The following CACNA2D3 variants were observed in gnomAD, a reference collection of about 807,000 sequenced individuals.
The protein encoded by CACNA2D3 is voltage-dependent calcium channel subunit alpha-2/delta-3.
Under a neutral mutation model 160.6 loss-of-function variants are expected in CACNA2D3, and 60 were observed. That is an observed-to-expected ratio of 0.37 (90% CI 0.30 to 0.46). CACNA2D3 has a LOEUF of 0.46. Ranked by LOEUF, CACNA2D3 falls within the 20% of genes least tolerant of loss-of-function variation. The pLI is 1.00. For missense variants in CACNA2D3, 1,205 were observed against 1,365.0 expected (o/e 0.88, Z 1.85); for synonymous variants, 558 against 492.9 (o/e 1.13, Z -1.75).
chr3:54,516,424 GT>G (rs1453500042), intron 5 of CACNA2D3, among the ~76,000 whole-genome samples: 1 of 152,146 alleles, frequency 6.6e-6, no homozygotes, highest in Non-Finnish European at 1.5e-5. Context: ...TCACTTCACG[GT>G]GGTAGAACAA....
intron 11 of CACNA2D3, among the ~76,000 whole-genome samples, chr3:54,699,160 G>A (rs958256915): frequency 5.3e-5 from 8 of 152,206 alleles, no homozygotes; most frequent in African/African-American, 1.7e-4. Context: ...TAGGGAGCTG[G>A]TGGCATCTGG....
intron 33 of CACNA2D3, among the ~76,000 whole-genome samples, chr3:55,008,185 G>A (rs976024244): frequency 1.3e-5 from 2 of 152,214 alleles, no homozygotes; most frequent in Admixed American, 1.3e-4. Flanking sequence ...ACACTGCTGT[G>A]ACTGTCCACC....
intron 2 of CACNA2D3, among the ~76,000 whole-genome samples, chr3:54,205,423 C>G (rs758341655): frequency 6.6e-6 from 1 of 152,100 alleles, no homozygotes; most frequent in Non-Finnish European, 1.5e-5. Context: ...GCTCATAACG[C>G]TAAGAAAAGC....
chr3:54,390,459 G>A (rs1478509242), intron 4 of CACNA2D3, among the ~76,000 whole-genome samples: 1 of 152,176 alleles, frequency 6.6e-6, no homozygotes, highest in Non-Finnish European at 1.5e-5. Context: ...TTCCTCCCCA[G>A]TCACCTGTTC....
At chr3:54,685,390 C>T (rs995220393) in intron 11 of CACNA2D3, among the ~76,000 whole-genome samples, 5 of 152,176 alleles carry the variant, frequency 3.3e-5, no homozygotes, top group Non-Finnish European at 7.3e-5. Flanking sequence ...AATGAATGGG[C>T]ATAGCAGTTT....
chr3:54,657,645 A>C (rs890328837), intron 11 of CACNA2D3, among the ~76,000 whole-genome samples: 22 of 152,142 alleles, frequency 1.4e-4, no homozygotes, highest in Non-Finnish European at 8.8e-5. Context: ...CCTGTGACTA[A>C]CTTATTTCAC....
At chr3:54,991,575 G>A (rs6804546) in intron 31 of CACNA2D3, among the ~76,000 whole-genome samples, 24,449 of 152,134 alleles carry the variant, frequency 0.16, 2,116 homozygotes, top group Non-Finnish European at 0.18. Context: ...ATTAGAATTT[G>A]TTTACCCCTG....
chr3:54,625,030 A>G (rs4955988), intron 9 of CACNA2D3, among the ~76,000 whole-genome samples: 115,532 of 152,192 alleles, frequency 0.76, 43,985 homozygotes, highest in Non-Finnish European at 0.79. Context: ...AGGACCTGCC[A>G]TGCACTTGGC....
intron 24 of CACNA2D3, among the ~76,000 whole-genome samples, chr3:54,890,074 A>G (rs534387150): frequency 6.6e-6 from 1 of 152,368 alleles, no homozygotes; most frequent in South Asian, 2.1e-4. Flanking sequence ...TCAAAGATCA[A>G]GTAACCAAAT....
At chr3:54,272,017 A>G (rs190460922) in intron 2 of CACNA2D3, among the ~76,000 whole-genome samples, 227 of 152,298 alleles carry the variant, frequency 1.5e-3, no homozygotes, top group Middle Eastern at 6.8e-3. Flanking sequence ...TTGTTTCAGT[A>G]TAAAGCTTCT....
At chr3:54,449,807 T>G (rs1700277754) in intron 4 of CACNA2D3, among the ~76,000 whole-genome samples, 1 of 152,206 alleles carries the variant, frequency 6.6e-6, no homozygotes, top group African/African-American at 2.4e-5. Context: ...GTGCTTCCTG[T>G]ACAGCCTGTA....
chr3:54,337,159 ATGT>A (rs1704403300), intron 3 of CACNA2D3, among the ~76,000 whole-genome samples: 1 of 144,550 alleles, frequency 6.9e-6, no homozygotes, highest in Non-Finnish European at 1.5e-5. Flanking sequence ...TGGTATGCTG[ATGT>A]CTGAGGTTGG....
chr3:54,319,157 G>GACACACACACACACACACAC (rs58790730), intron 2 of CACNA2D3, among the ~76,000 whole-genome samples: 58 of 138,964 alleles, frequency 4.2e-4, no homozygotes, highest in African/African-American at 1.2e-3. Flanking sequence ...AGCATTTTGT[G>GACACACACACACACACACAC]ACACACACAC....
chr3:54,553,032 G>C (rs1211892015), intron 5 of CACNA2D3, among the ~76,000 whole-genome samples: 6 of 152,130 alleles, frequency 3.9e-5, no homozygotes, highest in Non-Finnish European at 7.3e-5. Flanking sequence ...TTGCTTCCCA[G>C]CTCCATCCGG....
At chr3:54,132,549 T>G (rs951593283) in intron 2 of CACNA2D3, among the ~76,000 whole-genome samples, 9 of 152,178 alleles carry the variant, frequency 5.9e-5, no homozygotes, top group African/African-American at 2.2e-4. Flanking sequence ...AAGTCAACAG[T>G]ATACATTTCC....
intron 27 of CACNA2D3, among the ~76,000 whole-genome samples, chr3:54,913,358 C>T (rs545377388): frequency 2.2e-4 from 33 of 152,288 alleles, no homozygotes; most frequent in Admixed American, 9.2e-4. Flanking sequence ...GAGCAGTATT[C>T]CTAATTTCCG....
intron 8 of CACNA2D3, among the ~76,000 whole-genome samples, chr3:54,570,384 G>A (rs1158532753): frequency 3.3e-5 from 5 of 152,114 alleles, no homozygotes; most frequent in Admixed American, 1.3e-4. Context: ...TTCCTGGGGA[G>A]CTGACATTTT....
chr3:54,926,588 A>G (rs1701028544), intron 27 of CACNA2D3, among the ~76,000 whole-genome samples: 1 of 152,138 alleles, frequency 6.6e-6, no homozygotes, highest in Non-Finnish European at 1.5e-5. Context: ...AAATCCAGAT[A>G]AATGTAATCA....
chr3:54,837,553 T>C (rs938258392), intron 15 of CACNA2D3, among the ~76,000 whole-genome samples: 1 of 152,186 alleles, frequency 6.6e-6, no homozygotes, highest in Non-Finnish European at 1.5e-5. Context: ...TTCCTAGGGC[T>C]GTTAGGAATG....
Sources: gnomAD v4.1 joint callset for allele counts (sites outside exome capture counted in the v4.1 genomes callset) on GRCh38, gnomAD v4.1.1 for gene constraint, MANE v1.5 for transcripts, NCBI Gene and HGNC (gene_info 2026-07-23, HGNC 2026-07-21) for gene names.